The following UNKL variants were observed in gnomAD, a reference collection of about 807,000 sequenced individuals.
UNKL encodes unk like zinc finger, also known as putative E3 ubiquitin-protein ligase UNKL.
Under a neutral mutation model 78.0 loss-of-function variants are expected in UNKL, and 60 were observed. The observed-to-expected ratio is 0.77, with a 90% CI of 0.63 to 0.95. UNKL has a LOEUF of 0.95. UNKL is among the 40% of genes least tolerant of loss of function. UNKL has a pLI of 0.00. For missense variants in UNKL, 1,159 were observed against 1,045.7 expected, an observed-to-expected ratio of 1.11 and a Z score of -1.49; for synonymous variants, 608 against 474.8, an observed-to-expected ratio of 1.28 and a Z score of -3.65.
rs767149449 is a variant in UNKL at position 1,392,850 on chromosome 16, A to T, written c.1023+41T>A. On this transcript the variant is annotated intron_variant, in intron 8 of 14. Transcript: ENST00000389221. ...ACATCCCTAAGAGTTCAATTAAACCAAAGGACACTGGGCATTGTCCTGGGA... is the reference window on the plus strand; with the variant it reads ...ACATCCCTAAGAGTTCAATTAAACCTAAGGACACTGGGCATTGTCCTGGGA... The T allele has an allele frequency of 2.8e-5, 43 of 1,545,548 alleles. No homozygotes were observed. The South Asian group carries it at 4.6e-4, about 17-fold the overall frequency.
rs11861889 is a variant in UNKL, at chr16:1,404,796, G to A, written c.288-1452C>T. Among the ~76,000 whole-genome samples, 96 of 152,164 alleles carry A rather than the reference G, an allele frequency of 6.3e-4. 1 individual carries two copies. The highest frequency in any genetic ancestry group is 2.1e-3 in the African/African-American group (88 of 41,508). Reference sequence around the variant, plus strand: ...TAATGCGGGCTTCCATCCACGTGACGGGGTACACGCAGGCTTCCGTCCACA... The same window carrying A: ...TAATGCGGGCTTCCATCCACGTGACAGGGTACACGCAGGCTTCCGTCCACA... On this transcript the variant is annotated intron_variant, in intron 2 of 14. Coordinates refer to ENST00000389221, the MANE Select transcript of UNKL (RefSeq NM_001372107.1).
intron 10 of UNKL, chr16:1,379,240 G>C (rs1280906815): frequency 6.4e-6 from 1 of 155,974 alleles, no homozygotes; most frequent in Non-Finnish European, 1.4e-5. Context: ...CACGCGGGCT[G>C]AGTGCAGGCG....
intron 9 of UNKL, among the ~76,000 whole-genome samples, chr16:1,386,686 C>T (rs1204944289): frequency 6.6e-6 from 1 of 152,158 alleles, no homozygotes; most frequent in African/African-American, 2.4e-5. Context: ...GTAAAACTGT[C>T]CATAATGAAG....
At chr16:1,384,791 G>T (rs910262770) in intron 10 of UNKL, among the ~76,000 whole-genome samples, 4 of 152,136 alleles carry the variant, frequency 2.6e-5, no homozygotes, top group African/African-American at 7.2e-5. Context: ...TAGAGTCGGG[G>T]TCTCACTATG....
At chr16:1,383,775 G>A (rs776185881) in intron 10 of UNKL, 2 of 435,106 alleles carry the variant, frequency 4.6e-6, no homozygotes, top group Non-Finnish European at 9.5e-6. Flanking sequence ...TGGTGCTGGG[G>A]TCCCACTCCA....
chr16:1,406,212 T>C (rs565986253), intron 2 of UNKL: 4 of 280,946 alleles, frequency 1.4e-5, no homozygotes, highest in East Asian at 9.4e-5. Context: ...CCGGGCTATA[T>C]TGCTAATTTT....
rs537352644 is a variant in UNKL, at chr16:1,398,341, T to C, written c.734+1033A>G. 1.2e-5 allele frequency: 12 copies of C among 1,013,842 alleles called. No individual in the cohort carries two copies. In the African/African-American group the frequency reaches 2.1e-4, roughly 18 times the overall value. The allele number at this position is 1,013,842 out of a possible 1,614,324, so 62.8% of individuals were successfully genotyped here. On this transcript the variant is annotated intron_variant, in intron 5 of 14. Coordinates refer to ENST00000389221, the MANE Select transcript of UNKL (RefSeq NM_001372107.1). ...GCTGCTTTATTGTAACTGATTTGTATTTATGGGACACATTAAGTGCCTGTT... is the reference window on the plus strand; with the variant it reads ...GCTGCTTTATTGTAACTGATTTGTACTTATGGGACACATTAAGTGCCTGTT...
Position 1,399,362 on chromosome 16 carries a change from C to A in UNKL, c.734+12G>T. On this transcript the variant is annotated intron_variant, in intron 5 of 14. Transcript: ENST00000389221. This position sits in a 1 kb window ranked among gnomAD's most constrained non-coding sequence, Gnocchi z 5.8. ...CAGCCGGAGTCCTCTGAGCACGGTC[C>A]CGCAGGCTCACCTGTACTGGAACCG... 2 of 1,576,738 alleles carry A rather than the reference C, an allele frequency of 1.3e-6. No homozygotes were observed. Among genetic ancestry groups the A allele is most frequent in the Admixed American group, 1.8e-5 (1 of 56,670 alleles).
intron 12 of UNKL, 80 bp downstream of exon 12, chr16:1,370,050 C>T: frequency 6.4e-7 from 1 of 1,550,712 alleles, no homozygotes; most frequent in Non-Finnish European, 8.7e-7. Context: ...CGTGTGAGGC[C>T]CCTCAGTCAG....
rs183623256 is a variant in UNKL at position 1,386,022 on chromosome 16, G to A, written c.1087-637C>T. 5.9e-5 allele frequency among the ~76,000 whole-genome samples: 9 copies of A among 152,364 alleles called. No homozygotes were observed. In the East Asian group the frequency reaches 1.3e-3, roughly 23 times the overall value. ...CAGTGCTGAATAAAAACCCAGTAAC[G>A]GGGAGGGTGCTGCTCACAAGAAAAC... is the stretch of plus-strand genomic sequence containing the variant. On this transcript the variant is annotated intron_variant, in intron 9 of 14. Transcript: ENST00000389221.
In UNKL at chr16:1,371,203, G is replaced by A. The variant is rs535051326; in HGVS notation, c.1357+316C>T. ...CAGGAAAGGCCCCGCCTGTCTCTGC[G>A]CGGCCACTTTGCTGGGACAAAGGTC... On this transcript the variant is annotated intron_variant, in intron 11 of 14. Coordinates refer to ENST00000389221, the MANE Select transcript of UNKL (RefSeq NM_001372107.1). Among the ~76,000 whole-genome samples, 10 of 152,262 alleles carry A rather than the reference G, an allele frequency of 6.6e-5. No individual in the cohort carries two copies. In the South Asian group the frequency reaches 8.3e-4, roughly 13 times the overall value.
At chr16:1,414,519 G>A (rs1425452160) in intron 1 of UNKL, 96 bp downstream of exon 1, 13 of 279,512 alleles carry the variant, frequency 4.7e-5, no homozygotes, top group Middle Eastern at 1.9e-3. Context: ...CGGAGGCCGG[G>A]GGGCGCGGGG....
chr16:1,381,374 T>C (rs949965861), intron 10 of UNKL, among the ~76,000 whole-genome samples: 2 of 152,156 alleles, frequency 1.3e-5, no homozygotes, highest in African/African-American at 4.8e-5. Flanking sequence ...AATCCCAGCA[T>C]CTTGGGAGGC....
intron 10 of UNKL, chr16:1,379,667 G>C (rs944726267): frequency 2.0e-6 from 2 of 984,286 alleles, no homozygotes; most frequent in Non-Finnish European, 2.4e-6. Flanking sequence ...GCCCCGCGCC[G>C]CCGCCGGGGA....
Position 1,367,432 on chromosome 16 carries a change from C to G in UNKL, c.1789-83G>C, listed in dbSNP as rs1387356426. 16 of 1,464,336 alleles carry G rather than the reference C, an allele frequency of 1.1e-5. No homozygotes were observed. In the African/African-American group the frequency reaches 1.8e-4, roughly 17 times the overall value. 90.7% of individuals were successfully genotyped at this position (1,464,336 alleles called of 1,614,324 possible). A position where few individuals can be genotyped will look rare whatever the true frequency, so the allele number is the denominator to read the frequency against. ...TCTTGCCTGTGTCACCAGCGATCCT[C>G]CCCTCCCCTCCCCAGCATCAGCTGT... On this transcript the variant is annotated intron_variant, in intron 13 of 14. Coordinates refer to ENST00000389221, the MANE Select transcript of UNKL (RefSeq NM_001372107.1).
At chr16:1,372,909 ACCGCACAGAGAC>A (rs2035979258) in intron 10 of UNKL, among the ~76,000 whole-genome samples, 1 of 86,282 alleles carries the variant, frequency 1.2e-5, no homozygotes. Flanking sequence ...GCCGGCCAAC[ACCGCACAGAGAC>A]CTCAGCAGCG....
chr16:1,369,055 G>GTTTTTTTT (rs1218071522), intron 12 of UNKL, among the ~76,000 whole-genome samples: 8 of 53,722 alleles, frequency 1.5e-4, no homozygotes, highest in Non-Finnish European at 2.3e-4. Context: ...CAAAGTATTA[G>GTTTTTTTT]TTTTTTTTTT....
chr16:1,400,467 C>T lies in UNKL; in HGVS notation c.599-958G>A, dbSNP rs188773311. 4.5e-4 allele frequency among the ~76,000 whole-genome samples: 61 copies of T among 135,696 alleles called. 1 individual carries two copies. In the East Asian group the frequency reaches 0.01, roughly 23 times the overall value. 89.0% of individuals were successfully genotyped at this position (135,696 alleles called of 152,430 possible). On this transcript the variant is annotated intron_variant, in intron 4 of 14. Transcript: ENST00000389221. Reference sequence around the variant, plus strand: ...AAAAAAAAAAAAAATCGCTGCCATACGCAATGTCCAGAATACACAAATTCA... The same window carrying T: ...AAAAAAAAAAAAAATCGCTGCCATATGCAATGTCCAGAATACACAAATTCA...
chr16:1,406,430 C>T (rs2037767410), intron 2 of UNKL, among the ~76,000 whole-genome samples: 1 of 152,150 alleles, frequency 6.6e-6, no homozygotes, highest in Non-Finnish European at 1.5e-5. Flanking sequence ...CCAGGCTGGT[C>T]TTGAACTCCT....
Sources: gnomAD v4.1 joint callset for allele counts (sites outside exome capture counted in the v4.1 genomes callset) on GRCh38, gnomAD v4.1.1 for gene constraint, Gnocchi (gnomAD v3.1) non-coding constraint, MANE v1.5 for transcripts, NCBI Gene and HGNC (gene_info 2026-07-23, HGNC 2026-07-21) for gene names.